PARP4: variants seen among roughly 807,000 people sequenced by gnomAD.
PARP4 encodes poly(ADP-ribose) polymerase family member 4, also known as protein mono-ADP-ribosyltransferase PARP4.
Under a neutral mutation model 187.7 loss-of-function variants are expected in PARP4, and 120 were observed. That is an observed-to-expected ratio of 0.64 (90% CI 0.55 to 0.74). The LOEUF (loss-of-function observed/expected upper bound fraction) is 0.74. PARP4 is among the 30% of genes least tolerant of loss of function. The probability of loss-of-function intolerance (pLI) is 0.00; values close to 1 mark genes in which losing one functional copy is unlikely to be tolerated. For missense variants in PARP4, 1,836 were observed against 2,070.5 expected (o/e 0.89, Z 2.20); for synonymous variants, 654 against 740.9 (o/e 0.88, Z 1.90).
At chr13:24,422,942 A>C (rs917317954) in intron 33 of PARP4, among the ~76,000 whole-genome samples, 2 of 152,196 alleles carry the variant, frequency 1.3e-5, no homozygotes, top group Non-Finnish European at 2.9e-5. Flanking sequence ...AGTGCCAACA[A>C]ACCATTTTGC....
intron 14 of PARP4, among the ~76,000 whole-genome samples, chr13:24,476,143 CTTT>C (rs995508318): frequency 6.8e-6 from 1 of 146,620 alleles, no homozygotes; most frequent in Non-Finnish European, 1.5e-5. Flanking sequence ...TTCTTCTTTT[CTTT>C]TTTTTTTCTT....
intron 27 of PARP4, 146 bp from the exon 28 acceptor site, chr13:24,443,876 A>T: frequency 3.2e-6 from 2 of 619,986 alleles, no homozygotes; most frequent in Non-Finnish European, 5.8e-6. Flanking sequence ...GTCTTAAGGG[A>T]TGTATACAGT....
intron 12 of PARP4, among the ~76,000 whole-genome samples, chr13:24,480,435 T>C (rs971629983): frequency 2.6e-5 from 4 of 152,134 alleles, no homozygotes; most frequent in Non-Finnish European, 5.9e-5. Flanking sequence ...AATTAAAAGC[T>C]AGAAATGATT....
chr13:24,504,400 G>A (rs773592513), intron 1 of PARP4, among the ~76,000 whole-genome samples: 44 of 123,538 alleles, frequency 3.6e-4, no homozygotes, highest in Admixed American at 1.5e-3. Flanking sequence ...TGCAACCTCC[G>A]CCTCCCTGGT....
At chr13:24,510,292 C>T (rs918670081) in intron 1 of PARP4, among the ~76,000 whole-genome samples, 4 of 152,152 alleles carry the variant, frequency 2.6e-5, no homozygotes, top group South Asian at 4.1e-4. Context: ...CGGTGGCTCA[C>T]ACCTGTAATC....
chr13:24,502,195 AT>A (rs1404673398), intron 2 of PARP4, among the ~76,000 whole-genome samples: 1 of 151,584 alleles, frequency 6.6e-6, no homozygotes, highest in African/African-American at 2.4e-5. Flanking sequence ...ATTTATTTTG[AT>A]TTGTAATTTT....
chr13:24,501,841 A>G lies in PARP4; in HGVS notation c.133-7T>C. On this transcript the variant is annotated splice_polypyrimidine_tract_variant and splice_region_variant and intron_variant, in intron 2 of 33. Coordinates refer to ENST00000381989, the MANE Select transcript of PARP4 (RefSeq NM_006437.4). ...CTAAGATTATATGTGTGCACTAAGG[A>G]AAAAAAGAGTCAATCCATTATGCAT... The G allele has an allele frequency of 6.5e-7, 1 of 1,538,352 alleles. No individual in the cohort carries two copies. Among genetic ancestry groups the G allele is most frequent in the Non-Finnish European group, 9.0e-7 (1 of 1,116,016 alleles).
chr13:24,492,293 A>T, intron 9 of PARP4, 128 bp downstream of exon 9: 1 of 626,026 alleles, frequency 1.6e-6, no homozygotes, highest in Non-Finnish European at 2.6e-6. Flanking sequence ...ATGGTTCAAC[A>T]ATTTATTTTC....
At chr13:24,424,754 C>A (rs1228520886) in intron 33 of PARP4, among the ~76,000 whole-genome samples, 1 of 148,510 alleles carries the variant, frequency 6.7e-6, no homozygotes, top group Non-Finnish European at 1.5e-5. Context: ...TCACTGCAAG[C>A]TCTGCCTCCC....
In PARP4 at chr13:24,442,602, T is replaced by A. The variant is rs577961402; in HGVS notation, c.3531A>T (p.Ala1177=). The change falls in exon 29 of 34, where the codon GCA becomes GCT. Residue 1177 remains alanine (A), a synonymous_variant. Coordinates refer to ENST00000381989, the MANE Select transcript of PARP4 (RefSeq NM_006437.4). ...CAATAATACATACCCTTTTCTCAAC[T>A]GCCACAAAGCTTGTAAATTGTGTTA... ...SLITQFTSFV[A]VEKRDENESP... is the part of the protein sequence containing the mutation. 5.8e-6 allele frequency: 9 copies of A among 1,551,972 alleles called. No individual in the cohort carries two copies. In the East Asian group the frequency reaches 2.0e-4, roughly 35 times the overall value.
At chr13:24,421,670 A>G (rs1414592472) in intron 33 of PARP4, among the ~76,000 whole-genome samples, 3 of 152,254 alleles carry the variant, frequency 2.0e-5, no homozygotes, top group Non-Finnish European at 4.4e-5. Flanking sequence ...CTCAAGTACT[A>G]TTTCACAAAT....
chr13:24,424,931 C>T (rs1321598769), intron 33 of PARP4, among the ~76,000 whole-genome samples: 1 of 151,956 alleles, frequency 6.6e-6, no homozygotes, highest in Non-Finnish European at 1.5e-5. Flanking sequence ...GATCTGCCCA[C>T]CTCGGCCTCC....
rs576400470 is a variant in PARP4 at position 24,500,545 on chromosome 13, TTATAAAA to T, written c.335-170_335-164del. ...AGTGGGAAAAGAGGAAGGTATAACC[TTATAAAA>T]TAGGGAGAACATACTCTAATTCTAT... On this transcript the variant is annotated intron_variant, in intron 3 of 33. Coordinates refer to ENST00000381989, the MANE Select transcript of PARP4 (RefSeq NM_006437.4). 5.1e-4 allele frequency among the ~76,000 whole-genome samples: 77 copies of T among 152,376 alleles called. 2 individuals are homozygous for T. The highest frequency in any genetic ancestry group is 1.7e-3 in the African/African-American group (71 of 41,590).
rs199900998 is a variant in PARP4, at chr13:24,494,562, A to G, written c.741+11T>C. On this transcript the variant is annotated intron_variant, in intron 7 of 33. Coordinates refer to ENST00000381989, the MANE Select transcript of PARP4 (RefSeq NM_006437.4). ...TCAATCAACAACAAAAAAATTATAAATCAATCTCACTGCTTGCAATTGTTC... is the reference window on the plus strand; with the variant it reads ...TCAATCAACAACAAAAAAATTATAAGTCAATCTCACTGCTTGCAATTGTTC... 7.6e-4 allele frequency: 1,217 copies of G among 1,595,572 alleles called. 2 individuals carry two copies. Among genetic ancestry groups the G allele is most frequent in the Middle Eastern group, 3.0e-3 (18 of 5,974 alleles).
Position 24,465,733 on chromosome 13 carries a change from TAAC to T in PARP4, c.2133+3288_2133+3290del, listed in dbSNP as rs1872428801. Reference sequence around the variant, plus strand: ...CCACCATGGCACACATTTGCCTATGTAACAAACCTGCATGTCTTGCACATGTAT... The same window carrying T: ...CCACCATGGCACACATTTGCCTATGTAAACCTGCATGTCTTGCACATGTAT... On this transcript the variant is annotated intron_variant, in intron 17 of 33. Coordinates refer to ENST00000381989, the MANE Select transcript of PARP4 (RefSeq NM_006437.4). Among the ~76,000 whole-genome samples, 5 of 151,880 alleles carry T rather than the reference TAAC, an allele frequency of 3.3e-5. No homozygotes were observed. The South Asian group carries it at 1.0e-3, about 32-fold the overall frequency.
chr13:24,503,835 G>C, intron 1 of PARP4, 58 bp from the exon 2 acceptor site: 1 of 1,463,726 alleles, frequency 6.8e-7, no homozygotes. Flanking sequence ...AGTGAATTTA[G>C]AATTATTATA....
At chr13:24,459,334 T>C (rs1872063546) in intron 18 of PARP4, 24 bp from the exon 19 acceptor site, 1 of 1,509,538 alleles carries the variant, frequency 6.6e-7, no homozygotes, top group Non-Finnish European at 9.0e-7. Context: ...AATACATTTG[T>C]ATAACTAAGC....
chr13:24,503,722 G>GT lies in PARP4; in HGVS notation c.54dup (p.Pro19ThrfsTer11). ...TGTAGCTTTTTCTTCTGCTGCTGAGGTAAGTACTTCACTTTCAAACAGAAG... is the reference window on the plus strand; with the variant it reads ...TGTAGCTTTTTCTTCTGCTGCTGAGGTTAAGTACTTCACTTTCAAACAGAAG... On this transcript the variant is annotated frameshift_variant, in exon 2 of 34. Coordinates refer to ENST00000381989, the MANE Select transcript of PARP4 (RefSeq NM_006437.4). LOFTEE classifies it high-confidence loss of function. The GT allele has an allele frequency of 6.2e-7, 1 of 1,613,766 alleles. No individual in the cohort carries two copies. The highest frequency in any genetic ancestry group is 1.3e-5 in the African/African-American group (1 of 75,020).
At chr13:24,459,715 T>C (rs914399062) in intron 18 of PARP4, among the ~76,000 whole-genome samples, 2 of 152,230 alleles carry the variant, frequency 1.3e-5, no homozygotes, top group Admixed American at 6.5e-5. Context: ...TAGTTCTTCA[T>C]GATGAACTTG....
Sources: allele counts gnomAD v4.1 joint callset (sites outside exome capture counted in the v4.1 genomes callset), GRCh38; gene constraint gnomAD v4.1.1; transcripts MANE v1.5; gene names NCBI Gene and HGNC (gene_info 2026-07-23, HGNC 2026-07-21).